Variants in PPFIA2 observed in about 807,000 individuals in gnomAD.
PPFIA2 encodes PPFI scaffold protein A2.
A neutral mutation model predicts 175.5 loss-of-function variants in PPFIA2; 46 were observed. That is an observed-to-expected ratio of 0.26 (90% CI 0.21 to 0.34). The LOEUF (loss-of-function observed/expected upper bound fraction) is 0.34. Ranked by LOEUF, PPFIA2 falls within the 10% of genes least tolerant of loss-of-function variation. PPFIA2 has a pLI of 1.00. For missense variants in PPFIA2, 1,179 were observed against 1,506.1 expected (o/e 0.78, Z 3.60); for synonymous variants, 568 against 511.4 (o/e 1.11, Z -1.49).
intron 4 of PPFIA2, among the ~76,000 whole-genome samples, chr12:81,561,562 T>C (rs1483854540): frequency 6.6e-6 from 1 of 152,180 alleles, no homozygotes; most frequent in Admixed American, 6.5e-5. Context: ...GAAAAACTCC[T>C]GTCCAAAGGG....
At chr12:81,584,270 T>C (rs1052660790) in intron 4 of PPFIA2, among the ~76,000 whole-genome samples, 3 of 151,904 alleles carry the variant, frequency 2.0e-5, no homozygotes, top group Admixed American at 1.3e-4. Context: ...AATAATGTAG[T>C]CAGACAGTGA....
intron 8 of PPFIA2, among the ~76,000 whole-genome samples, chr12:81,397,184 T>G (rs2041286736): frequency 1.3e-5 from 2 of 152,024 alleles, no homozygotes; most frequent in Admixed American, 1.3e-4. Context: ...TATTAGTATA[T>G]GAATAGGATG....
Position 81,666,641 on chromosome 12 carries a change from T to A in PPFIA2, c.303+10150A>T, listed in dbSNP as rs111301159. On this transcript the variant is annotated intron_variant, in intron 4 of 32. Transcript: ENST00000549396. ...TGGAGAGAGTGGGGAGGGATAGCAT[T>A]TGGAGATATACCTAATGTTAATTGA... Among the ~76,000 whole-genome samples the A allele has an allele frequency of 3.0e-3, 449 of 152,062 alleles. 4 individuals are homozygous for A. The highest frequency in any genetic ancestry group is 1.0e-2 in the African/African-American group (413 of 41,496).
chr12:81,740,732 C>G (rs529156326), intron 3 of PPFIA2, among the ~76,000 whole-genome samples: 15 of 151,808 alleles, frequency 9.9e-5, no homozygotes, highest in Admixed American at 7.2e-4. Context: ...TAAATTTTAG[C>G]AAAAAATCTC....
At chr12:81,692,893 A>C (rs2075421518) in intron 3 of PPFIA2, among the ~76,000 whole-genome samples, 1 of 152,144 alleles carries the variant, frequency 6.6e-6, no homozygotes, top group African/African-American at 2.4e-5. Context: ...ACTATCAATA[A>C]AGATATAAAA....
intron 4 of PPFIA2, 82 bp downstream of exon 4, chr12:81,676,709 A>C (rs2072579165): frequency 2.1e-6 from 2 of 947,272 alleles, no homozygotes; most frequent in Non-Finnish European, 3.0e-6. Flanking sequence ...ATGACAAATA[A>C]TATACAAGCA....
intron 3 of PPFIA2, among the ~76,000 whole-genome samples, chr12:81,720,289 C>T (rs2079148247): frequency 6.6e-6 from 1 of 151,510 alleles, no homozygotes; most frequent in Non-Finnish European, 1.5e-5. Flanking sequence ...ACTGATTATA[C>T]AGTAAAATGC....
At chr12:81,574,094 T>C (rs1210689770) in intron 4 of PPFIA2, among the ~76,000 whole-genome samples, 1 of 151,834 alleles carries the variant, frequency 6.6e-6, no homozygotes, top group Non-Finnish European at 1.5e-5. Flanking sequence ...AATGTAACAA[T>C]ACAAAAATAG....
At chr12:81,698,440 T>C (rs898143452) in intron 3 of PPFIA2, among the ~76,000 whole-genome samples, 1 of 152,090 alleles carries the variant, frequency 6.6e-6, no homozygotes, top group Admixed American at 6.6e-5. Context: ...CCTAGCCAGA[T>C]GAGGACCCCT....
intron 4 of PPFIA2, among the ~76,000 whole-genome samples, chr12:81,650,276 T>C (rs903811577): frequency 1.3e-5 from 2 of 152,164 alleles, no homozygotes; most frequent in Non-Finnish European, 2.9e-5. Flanking sequence ...CCCAAAGTGC[T>C]GGGATTACAG....
intron 4 of PPFIA2, among the ~76,000 whole-genome samples, chr12:81,463,941 T>A (rs970768910): frequency 5.9e-5 from 9 of 152,124 alleles, no homozygotes; most frequent in Non-Finnish European, 1.0e-4. Context: ...ACATCTAACT[T>A]CTGTGCACTC....
intron 4 of PPFIA2, among the ~76,000 whole-genome samples, chr12:81,665,048 C>T (rs759571965): frequency 1.3e-5 from 2 of 148,220 alleles, no homozygotes; most frequent in Non-Finnish European, 3.0e-5. Flanking sequence ...CGGGTGGGGG[C>T]AGGGGGGAGG....
chr12:81,304,710 T>C (rs2048718405), intron 22 of PPFIA2, among the ~76,000 whole-genome samples: 1 of 151,954 alleles, frequency 6.6e-6, no homozygotes, highest in South Asian at 2.1e-4. Context: ...CCAGTGTGAC[T>C]GGAGTGAATT....
chr12:81,756,454 A>C (rs2084679935), intron 2 of PPFIA2, among the ~76,000 whole-genome samples: 1 of 152,122 alleles, frequency 6.6e-6, no homozygotes, highest in African/African-American at 2.4e-5. Context: ...AACATTCACA[A>C]ACTTTAGGGT....
chr12:81,641,041 G>A (rs1221703780), intron 4 of PPFIA2, among the ~76,000 whole-genome samples: 1 of 152,052 alleles, frequency 6.6e-6, no homozygotes, highest in African/African-American at 2.4e-5. Flanking sequence ...TACATAATGT[G>A]TAATGCTCAA....
intron 14 of PPFIA2, among the ~76,000 whole-genome samples, chr12:81,364,116 T>G (rs1050591678): frequency 2.0e-5 from 3 of 151,596 alleles, no homozygotes; most frequent in Non-Finnish European, 2.9e-5. Flanking sequence ...AAAGGAGAAA[T>G]TAAAAAATGA....
intron 4 of PPFIA2, among the ~76,000 whole-genome samples, chr12:81,499,008 A>T (rs1172768773): frequency 1.3e-5 from 2 of 152,216 alleles, no homozygotes; most frequent in Non-Finnish European, 2.9e-5. Flanking sequence ...AAAAAAATCA[A>T]TATTCTGTTT....
intron 30 of PPFIA2, among the ~76,000 whole-genome samples, chr12:81,265,677 G>A (rs1412028446): frequency 2.6e-5 from 4 of 152,158 alleles, no homozygotes; most frequent in African/African-American, 9.7e-5. Flanking sequence ...AGAAAAAGCA[G>A]CAGCATAGTT....
rs1017054153 is a variant in PPFIA2 at position 81,606,782 on chromosome 12, A to C, written c.303+70009T>G. Among the ~76,000 whole-genome samples the C allele has an allele frequency of 2.6e-5, 4 of 152,180 alleles. No individual in the cohort carries two copies. In the South Asian group the frequency reaches 8.3e-4, roughly 32 times the overall value. On this transcript the variant is annotated intron_variant, in intron 4 of 32. Transcript: ENST00000549396. The stretch of plus-strand genomic sequence containing the variant: ...TAGGTCATCTGTTTACTTTGTTGAT[A>C]GTTTATTTCACTGTGCAGAAGCTCT...
Sources: gnomAD v4.1 joint callset for allele counts (sites outside exome capture counted in the v4.1 genomes callset) on GRCh38, gnomAD v4.1.1 for gene constraint, MANE v1.5 for transcripts, NCBI Gene and HGNC (gene_info 2026-07-23, HGNC 2026-07-21) for gene names.